VPS36: variants seen among roughly 807,000 people sequenced by gnomAD.
VPS36 encodes vacuolar protein-sorting-associated protein 36.
In VPS36, 31 loss-of-function variants were observed where a neutral mutation model predicts 63.5. The observed-to-expected ratio is 0.49, with a 90% CI of 0.37 to 0.66. The LOEUF (loss-of-function observed/expected upper bound fraction) is 0.66. Among genes scored for constraint, VPS36 ranks in the 30% least tolerant of loss-of-function variants. The probability of loss-of-function intolerance (pLI) is 0.00; values close to 1 mark genes in which losing one functional copy is unlikely to be tolerated. For synonymous variants in VPS36, 138 were observed against 157.2 expected, an observed-to-expected ratio of 0.88 and a Z score of 0.91; for missense variants, 338 against 463.7, an observed-to-expected ratio of 0.73 and a Z score of 2.49.
intron 10 of VPS36, among the ~76,000 whole-genome samples, chr13:52,420,164 C>T (rs1375994514): frequency 6.6e-6 from 1 of 150,666 alleles, no homozygotes; most frequent in African/African-American, 2.4e-5. Context: ...ATTGCTTGAA[C>T]CAGGGAGGTG....
intron 6 of VPS36, among the ~76,000 whole-genome samples, chr13:52,429,039 G>GA (rs1008599055): frequency 2.0e-5 from 3 of 151,754 alleles, no homozygotes; most frequent in Admixed American, 6.6e-5. Context: ...AATGAGTAAA[G>GA]AAACTACCTA....
In VPS36 at chr13:52,418,030, A is replaced by C. The variant is rs1331574053; in HGVS notation, c.867T>G (p.Asn289Lys). The part of the protein sequence containing the change: ...MELLSPEDLV[N>K]ACKMLEALKL... The stretch of plus-strand genomic sequence containing the variant: ...TCAGTGCTTCCAGCATCTTGCACGC[A>C]TTCACTAAATCTTCTGGTGAGAGCA... Residue 289 changes from asparagine (N) to lysine (K), a missense_variant, in exon 11 of 14, where the codon AAT becomes AAG. Coordinates refer to ENST00000378060, the MANE Select transcript of VPS36 (RefSeq NM_016075.4). The C allele has an allele frequency of 6.2e-7, 1 of 1,612,536 alleles. No homozygotes were observed. Among genetic ancestry groups the C allele is most frequent in the Non-Finnish European group, 8.5e-7 (1 of 1,179,366 alleles).
chr13:52,442,075 T>C (rs1317146175), intron 2 of VPS36, among the ~76,000 whole-genome samples: 1 of 152,198 alleles, frequency 6.6e-6, no homozygotes, highest in Non-Finnish European at 1.5e-5. Context: ...CTCCTGTTTT[T>C]GCACTCCATT....
chr13:52,442,508 T>C, intron 1 of VPS36, 63 bp from the exon 2 acceptor site: 2 of 1,386,130 alleles, frequency 1.4e-6, no homozygotes, highest in Non-Finnish European at 2.0e-6. Context: ...CCGATTTTCT[T>C]CTTCATGAAT....
intron 6 of VPS36, among the ~76,000 whole-genome samples, chr13:52,427,870 T>A (rs921590267): frequency 6.6e-6 from 1 of 152,152 alleles, no homozygotes; most frequent in African/African-American, 2.4e-5. Context: ...TGTCACTGGT[T>A]TTTTCTAAAA....
At chr13:52,445,030 G>T (rs1346776444) in intron 1 of VPS36, among the ~76,000 whole-genome samples, 1 of 152,166 alleles carries the variant, frequency 6.6e-6, no homozygotes, top group Non-Finnish European at 1.5e-5. Flanking sequence ...ATAGCATTAA[G>T]TAGTAAATAA....
Position 52,445,243 on chromosome 13 carries a change from C to G in VPS36, c.97-2798G>C, listed in dbSNP as rs145514837. The stretch of plus-strand genomic sequence containing the variant: ...CTTCAAACATTTTGGTTAATCTCAT[C>G]TATGCAAAACCAAATAACTAAGTTT... On this transcript the variant is annotated intron_variant, in intron 1 of 13. Coordinates refer to ENST00000378060, the MANE Select transcript of VPS36 (RefSeq NM_016075.4). Among the ~76,000 whole-genome samples the G allele has an allele frequency of 3.3e-3, 499 of 152,316 alleles. 3 individuals carry two copies. The highest frequency in any genetic ancestry group is 0.011 in the African/African-American group (450 of 41,576).
chr13:52,444,240 G>A (rs1958310889), intron 1 of VPS36, among the ~76,000 whole-genome samples: 1 of 152,062 alleles, frequency 6.6e-6, no homozygotes. Flanking sequence ...GGTGGATCAC[G>A]AGGTCTGGAG....
At chr13:52,441,842 C>T (rs1958280665) in intron 2 of VPS36, among the ~76,000 whole-genome samples, 1 of 152,188 alleles carries the variant, frequency 6.6e-6, no homozygotes, top group South Asian at 2.1e-4. Context: ...CACTTGATGG[C>T]AGGCCTAGCC....
chr13:52,415,873 T>C lies in VPS36; in HGVS notation c.1118A>G (p.Glu373Gly). The C allele has an allele frequency of 6.2e-7, 1 of 1,613,972 alleles. No individual in the cohort carries two copies. The highest frequency in any genetic ancestry group is 1.3e-5 in the African/African-American group (1 of 74,978). The part of the protein sequence containing the change: ...MGHLCRDDSV[E>G]GLRFYPNLFM... The stretch of plus-strand genomic sequence containing the variant: ...TAAATTTGGGTAAAAACGCAGGCCT[T>C]CCACTGAGTCATCACGGCAAAGATG... The change falls in exon 14 of 14, where the codon GAA (glutamate) becomes GGA (glycine). Residue 373 changes from glutamate to glycine, a missense_variant. Glu to Gly is a moderately conservative substitution (Grantham distance 98, BLOSUM62 -2). Coordinates refer to ENST00000378060, the MANE Select transcript of VPS36 (RefSeq NM_016075.4).
chr13:52,432,704 A>G (rs1427323967), intron 6 of VPS36, among the ~76,000 whole-genome samples: 2 of 152,198 alleles, frequency 1.3e-5, no homozygotes, highest in Non-Finnish European at 2.9e-5. Context: ...TGAGTGTGAC[A>G]GAGATTCTGG....
rs555586882 is a variant in VPS36, at chr13:52,433,751, G to GA, written c.442-4dup. The GA allele has an allele frequency of 9.5e-3, 12,372 of 1,302,688 alleles. No individual in the cohort carries two copies. Among genetic ancestry groups the GA allele is most frequent in the South Asian group, 0.014 (928 of 64,884 alleles). 80.7% of individuals were successfully genotyped at this position (1,302,688 alleles called of 1,614,324 possible). ...CCTACAGCCCTTATTCTTCCTGGCT[G>GA]AAAAAAAAAAGAGGTAGAAAATAAA... On this transcript the variant is annotated splice_polypyrimidine_tract_variant and splice_region_variant and intron_variant, in intron 5 of 13. Transcript: ENST00000378060.
intron 2 of VPS36, 44 bp from the exon 3 acceptor site, chr13:52,439,212 T>C (rs1183802498): frequency 3.9e-6 from 6 of 1,551,468 alleles, no homozygotes; most frequent in Non-Finnish European, 5.3e-6. Flanking sequence ...CTAAACAACA[T>C]CCATAACACT....
intron 12 of VPS36, 31 bp from the exon 13 acceptor site, chr13:52,416,124 T>G: frequency 6.2e-7 from 1 of 1,605,078 alleles, no homozygotes; most frequent in Non-Finnish European, 8.5e-7. Flanking sequence ...AAAAAAAATG[T>G]AATTAATTTA....
intron 6 of VPS36, chr13:52,429,356 G>T: frequency 1.1e-6 from 1 of 922,944 alleles, no homozygotes; most frequent in Non-Finnish European, 1.3e-6. Flanking sequence ...TCTTATCCAT[G>T]CTGGTCATCT....
In VPS36 at chr13:52,450,588, G is replaced by A. The variant is rs577147750; in HGVS notation, c.7C>T (p.Arg3Cys). 4.4e-6 allele frequency: 7 copies of A among 1,578,186 alleles called. No homozygotes were observed. Among genetic ancestry groups the A allele is most frequent in the South Asian group, 2.3e-5 (2 of 87,506 alleles). Residue 3 changes from arginine to cysteine, a missense_variant, in exon 1 of 14, where the codon CGC becomes TGC. Transcript: ENST00000378060. MD[R>C]FVWTSGLLEI... is the part of the protein sequence containing the mutation. ...AGGAGGCCGCTGGTCCAAACGAAGC[G>A]GTCCATGGCCGCTGCCACCCAGCCC...
In VPS36 at chr13:52,445,327, A is replaced by G. The variant is rs189606679; in HGVS notation, c.97-2882T>C. Among the ~76,000 whole-genome samples the G allele has an allele frequency of 2.6e-3, 399 of 152,350 alleles. 2 individuals are homozygous for G. The highest frequency in any genetic ancestry group is 4.5e-3 in the Non-Finnish European group (307 of 68,036). ...GTAAATTTCCCTTCTCCAAAAGCAA[A>G]TATTTAATTATCTTAAGAGTACATA... On this transcript the variant is annotated intron_variant, in intron 1 of 13. Transcript: ENST00000378060.
chr13:52,445,285 C>T (rs1250584952), intron 1 of VPS36, among the ~76,000 whole-genome samples: 1 of 152,188 alleles, frequency 6.6e-6, no homozygotes, highest in African/African-American at 2.4e-5. Context: ...TTTTTTAAAT[C>T]TCTTCTTTGC....
chr13:52,434,138 T>C (rs1192292412), intron 5 of VPS36, among the ~76,000 whole-genome samples: 2 of 152,200 alleles, frequency 1.3e-5, no homozygotes, highest in Non-Finnish European at 2.9e-5. Context: ...TTTCATACAT[T>C]TGAGTACCTG....
Sources: allele counts gnomAD v4.1 joint callset (sites outside exome capture counted in the v4.1 genomes callset), GRCh38; gene constraint gnomAD v4.1.1; transcripts MANE v1.5; gene names NCBI Gene and HGNC (gene_info 2026-07-23, HGNC 2026-07-21).